Variants in GRK3 observed in about 807,000 individuals in gnomAD.
GRK3 encodes adrenergic, beta, receptor kinase 2.
Under a neutral mutation model 95.7 loss-of-function variants are expected in GRK3, and 54 were observed. That is an observed-to-expected ratio of 0.56 (90% CI 0.45 to 0.71). The LOEUF is 0.71. GRK3 is among the 30% of genes least tolerant of loss of function. The pLI, the probability that GRK3 is intolerant of heterozygous loss-of-function variation, is 0.00. For missense variants in GRK3, 649 were observed against 851.2 expected, an observed-to-expected ratio of 0.76 and a Z score of 2.96; for synonymous variants, 281 against 290.8, an observed-to-expected ratio of 0.97 and a Z score of 0.34.
At chr22:25,662,004 A>G (rs1419624851) in intron 4 of GRK3, among the ~76,000 whole-genome samples, 3 of 152,258 alleles carry the variant, frequency 2.0e-5, no homozygotes, top group Non-Finnish European at 4.4e-5. Context: ...AAAATGAGCT[A>G]TACTTTAACA....
At chr22:25,568,601 G>T (rs900957876) in intron 1 of GRK3, among the ~76,000 whole-genome samples, 1 of 152,192 alleles carries the variant, frequency 6.6e-6, no homozygotes, top group African/African-American at 2.4e-5. Context: ...GTACATAGTT[G>T]TAGAGCCATT....
intron 1 of GRK3, among the ~76,000 whole-genome samples, chr22:25,598,196 A>C (rs1241629796): frequency 6.6e-6 from 1 of 152,242 alleles, no homozygotes; most frequent in Middle Eastern, 3.2e-3. Flanking sequence ...AATGTTATTT[A>C]GAGGTAGACT....
At chr22:25,601,067 G>A (rs368911861) in intron 1 of GRK3, among the ~76,000 whole-genome samples, 1 of 152,014 alleles carries the variant, frequency 6.6e-6, no homozygotes, top group Non-Finnish European at 1.5e-5. Flanking sequence ...TTTAGTTGAC[G>A]GTTTCAACAC....
At chr22:25,648,633 A>G (rs2084804974) in intron 3 of GRK3, 3 of 1,046,030 alleles carry the variant, frequency 2.9e-6, no homozygotes, top group Non-Finnish European at 4.5e-6. Flanking sequence ...TGAAGAGCCA[A>G]TTTACATTGT....
chr22:25,711,083 A>G lies in GRK3; in HGVS notation c.1411A>G (p.Ile471Val). 1 of 1,613,260 alleles carries G rather than the reference A, an allele frequency of 6.2e-7. No homozygotes were observed. Among genetic ancestry groups the G allele is most frequent in the Non-Finnish European group, 8.5e-7 (1 of 1,179,592 alleles). ...VYLQKYPPPL[I>V]PPRGEVNAAD... ...GATCTTCCAGTACCCACCACCCTTGATTCCTCCCCGGGGAGAAGTCAATGC... is the reference window on the plus strand; with the variant it reads ...GATCTTCCAGTACCCACCACCCTTGGTTCCTCCCCGGGGAGAAGTCAATGC... Residue 471 changes from isoleucine (I) to valine (V), a missense_variant, in exon 17 of 21, where the codon ATT (isoleucine) becomes GTT (valine). Transcript: ENST00000324198.
rs142131104 is a variant in GRK3 at position 25,678,721 on chromosome 22, A to T, written c.648-95A>T. On this transcript the variant is annotated intron_variant, in intron 8 of 20. Coordinates refer to ENST00000324198, the MANE Select transcript of GRK3 (RefSeq NM_005160.4). ...ACTCTGCTTCTTTTAAACATGGCCT[A>T]AATGTTCAGAAACTTGCCCCAGAGT... 90 of 635,800 alleles carry T rather than the reference A, an allele frequency of 1.4e-4. No homozygotes were observed. The African/African-American group carries it at 1.5e-3, about 11-fold the overall frequency. The allele number at this position is 635,800 out of a possible 1,614,324, so 39.4% of individuals were successfully genotyped here.
intron 1 of GRK3, among the ~76,000 whole-genome samples, chr22:25,594,856 G>A (rs2084361634): frequency 6.6e-6 from 1 of 151,906 alleles, no homozygotes; most frequent in Admixed American, 6.6e-5. Context: ...TCCAGCCTGG[G>A]CAACAGAGCG....
At chr22:25,720,638 G>A (rs1390345171) in intron 19 of GRK3, among the ~76,000 whole-genome samples, 3 of 151,750 alleles carry the variant, frequency 2.0e-5, no homozygotes, top group African/African-American at 7.3e-5. Context: ...TACCACGCCC[G>A]GCTAATTTTT....
At chr22:25,580,419 TG>T (rs1348424049) in intron 1 of GRK3, 1 of 152,210 alleles carries the variant, frequency 6.6e-6, no homozygotes, top group African/African-American at 2.4e-5. Context: ...ATTATCAATT[TG>T]AAGGGGGAGT....
At position 25,726,926 on chromosome 22, in the gene GRK3, TGTG is replaced by T. The variant is rs2085478922; in HGVS notation, c.*4477_*4479del. On this transcript the variant is annotated 3_prime_UTR_variant, in exon 21 of 21. Transcript: ENST00000324198. ...CCAAAACACCCCGTGTGTGTGTGTG[TGTG>T]TGTGTGTGTGTGTGTGTGTGTGTGT... The T allele has an allele frequency of 6.5e-6, 1 of 153,066 alleles. No homozygotes were observed. The highest frequency in any genetic ancestry group is 1.4e-5 in the Non-Finnish European group (1 of 69,622). 9.5% of individuals were successfully genotyped at this position (153,066 alleles called of 1,614,324 possible). A position where few individuals can be genotyped will look rare whatever the true frequency, so the allele number is the denominator to read the frequency against.
chr22:25,653,928 C>T (rs957491312), intron 3 of GRK3, among the ~76,000 whole-genome samples: 7 of 152,112 alleles, frequency 4.6e-5, no homozygotes, highest in Non-Finnish European at 8.8e-5. Flanking sequence ...ACCTCGTAAT[C>T]GGCCCGCCTC....
intron 2 of GRK3, among the ~76,000 whole-genome samples, chr22:25,634,408 C>T (rs1273720365): frequency 1.3e-5 from 2 of 152,070 alleles, no homozygotes; most frequent in Non-Finnish European, 2.9e-5. Context: ...GAGGGAATTT[C>T]CAATTATATG....
intron 18 of GRK3, among the ~76,000 whole-genome samples, chr22:25,717,356 C>G (rs2085395048): frequency 6.6e-6 from 1 of 152,158 alleles, no homozygotes; most frequent in Non-Finnish European, 1.5e-5. Context: ...CCATCCTTCC[C>G]CATCACCACT....
intron 12 of GRK3, among the ~76,000 whole-genome samples, chr22:25,692,648 A>G (rs1320334762): frequency 6.6e-6 from 1 of 152,188 alleles, no homozygotes; most frequent in African/African-American, 2.4e-5. Flanking sequence ...AGGCTTGCAT[A>G]TGTCATCTTC....
chr22:25,631,996 A>G (rs1445890626), intron 2 of GRK3, among the ~76,000 whole-genome samples: 2 of 152,224 alleles, frequency 1.3e-5, no homozygotes, highest in African/African-American at 4.8e-5. Flanking sequence ...TGTTTCGAGT[A>G]AAGCTAGCTA....
chr22:25,692,955 C>G (rs778742319), intron 12 of GRK3, among the ~76,000 whole-genome samples: 2 of 152,214 alleles, frequency 1.3e-5, no homozygotes, highest in African/African-American at 2.4e-5. Flanking sequence ...TAGATTTCTT[C>G]CAGCGGCTGG....
Position 25,585,160 on chromosome 22 carries a change from G to A in GRK3, c.114-19217G>A, listed in dbSNP as rs181757751. Reference sequence around the variant, plus strand: ...CCTCGCTATAGGGCCTTCACCTCTCGGCCAAGCCTCGTGTTATGGGTGTTT... The same window carrying A: ...CCTCGCTATAGGGCCTTCACCTCTCAGCCAAGCCTCGTGTTATGGGTGTTT... On this transcript the variant is annotated intron_variant, in intron 1 of 20. Transcript: ENST00000324198. Among the ~76,000 whole-genome samples, 62 of 152,380 alleles carry A rather than the reference G, an allele frequency of 4.1e-4. No homozygotes were observed. The East Asian group carries it at 6.0e-3, about 15-fold the overall frequency.
intron 1 of GRK3, among the ~76,000 whole-genome samples, chr22:25,567,528 A>G (rs1413899871): frequency 6.6e-6 from 1 of 152,232 alleles, no homozygotes; most frequent in Non-Finnish European, 1.5e-5. Context: ...TGACTTAAAT[A>G]GCTGGTATGA....
Position 25,692,135 on chromosome 22 carries a change from A to G in GRK3, c.1052+1852A>G, listed in dbSNP as rs1020824135. On this transcript the variant is annotated intron_variant, in intron 12 of 20. Transcript: ENST00000324198. ...TGTGCCCCAACATTCAGCTAATGTA[A>G]AAAGAAATATTTTTTAAAGACGGGG... Among the ~76,000 whole-genome samples the G allele has an allele frequency of 7.2e-5, 11 of 152,160 alleles. No homozygotes were observed. In the South Asian group the frequency reaches 1.9e-3, roughly 26 times the overall value.
Sources: gnomAD v4.1 joint callset for allele counts (sites outside exome capture counted in the v4.1 genomes callset) on GRCh38, gnomAD v4.1.1 for gene constraint, MANE v1.5 for transcripts, NCBI Gene and HGNC (gene_info 2026-07-23, HGNC 2026-07-21) for gene names.